Variants in LHFPL3 observed in about 807,000 individuals in gnomAD.
LHFPL3 encodes LHFPL tetraspan subfamily member 3, also known as LHFPL tetraspan subfamily member 3 protein.
LHFPL3 carries 5 observed loss-of-function variants against 19.3 expected under a neutral mutation model. The observed-to-expected ratio is 0.26, with a 90% confidence interval of 0.14 to 0.54. LHFPL3 has a LOEUF of 0.54. Ranked by LOEUF, LHFPL3 falls within the 20% of genes least tolerant of loss-of-function variation. The pLI is 0.94. For missense variants in LHFPL3, 249 were observed against 307.4 expected, an observed-to-expected ratio of 0.81 and a Z score of 1.42; for synonymous variants, 133 against 126.2, an observed-to-expected ratio of 1.05 and a Z score of -0.36.
At chr7:104,631,255 G>A (rs1056531933) in intron 1 of LHFPL3, among the ~76,000 whole-genome samples, 1 of 151,226 alleles carries the variant, frequency 6.6e-6, no homozygotes, top group Non-Finnish European at 1.5e-5. Context: ...GGAATATCTT[G>A]CCCTCTCATT....
chr7:104,351,880 C>T (rs929757664), intron 1 of LHFPL3, among the ~76,000 whole-genome samples: 1 of 152,128 alleles, frequency 6.6e-6, no homozygotes, highest in East Asian at 1.9e-4. Flanking sequence ...CATCGAAGCC[C>T]ATCCCTGTTT....
At chr7:104,866,222 AT>A (rs1299467777) in intron 2 of LHFPL3, among the ~76,000 whole-genome samples, 18 of 152,198 alleles carry the variant, frequency 1.2e-4, no homozygotes, top group Non-Finnish European at 2.6e-4. Flanking sequence ...TTCACACATA[AT>A]AATATTAACC....
chr7:104,690,457 C>T (rs769939592), intron 1 of LHFPL3, among the ~76,000 whole-genome samples: 4 of 152,206 alleles, frequency 2.6e-5, no homozygotes, highest in Non-Finnish European at 5.9e-5. Flanking sequence ...TCACTTTTCC[C>T]TTCCATAAGA....
At chr7:104,588,145 T>C (rs950257176) in intron 1 of LHFPL3, among the ~76,000 whole-genome samples, 6 of 152,168 alleles carry the variant, frequency 3.9e-5, no homozygotes, top group Non-Finnish European at 5.9e-5. Context: ...TCAATTTCGT[T>C]TTTTGTTGCC....
intron 1 of LHFPL3, among the ~76,000 whole-genome samples, chr7:104,735,209 C>A (rs1367626146): frequency 1.3e-5 from 2 of 152,216 alleles, no homozygotes; most frequent in Non-Finnish European, 2.9e-5. Flanking sequence ...AGATCTCAAA[C>A]TCCGTGCTGG....
intron 2 of LHFPL3, among the ~76,000 whole-genome samples, chr7:104,872,754 G>C (rs551115054): frequency 6.6e-6 from 1 of 152,288 alleles, no homozygotes; most frequent in South Asian, 2.1e-4. Flanking sequence ...ACACGGAGCT[G>C]TCATCTTCTA....
intron 2 of LHFPL3, among the ~76,000 whole-genome samples, chr7:104,848,809 G>T (rs944721888): frequency 6.6e-6 from 1 of 152,148 alleles, no homozygotes; most frequent in Non-Finnish European, 1.5e-5. Flanking sequence ...CAGCCTGGAG[G>T]CCTGGTGGCA....
intron 2 of LHFPL3, among the ~76,000 whole-genome samples, chr7:104,740,645 A>G (rs1459739887): frequency 6.6e-6 from 1 of 152,232 alleles, no homozygotes; most frequent in Non-Finnish European, 1.5e-5. Flanking sequence ...GCAGCAGGCA[A>G]GAGCTTATGC....
chr7:104,404,229 A>G (rs564992019), intron 1 of LHFPL3, among the ~76,000 whole-genome samples: 1 of 152,310 alleles, frequency 6.6e-6, no homozygotes, highest in South Asian at 2.1e-4. Context: ...TTTTAATGAG[A>G]CCACTTAGTT....
At chr7:104,397,670 C>T (rs1791218741) in intron 1 of LHFPL3, among the ~76,000 whole-genome samples, 1 of 152,278 alleles carries the variant, frequency 6.6e-6, no homozygotes, top group South Asian at 2.1e-4. Flanking sequence ...TCTCCAGCAG[C>T]CCGCTTCTTC....
intron 2 of LHFPL3, among the ~76,000 whole-genome samples, chr7:104,743,123 A>AAAAC (rs145980832): frequency 1.4e-4 from 22 of 152,024 alleles, no homozygotes; most frequent in Non-Finnish European, 2.2e-4. Context: ...TCCATCTCAA[A>AAAAC]AAACAAACAA....
At chr7:104,843,358 G>C (rs141930151) in intron 2 of LHFPL3, among the ~76,000 whole-genome samples, 2 of 152,228 alleles carry the variant, frequency 1.3e-5, no homozygotes, top group Non-Finnish European at 2.9e-5. Context: ...AATGCACCTC[G>C]ATGGAAGCTG....
chr7:104,430,039 G>C (rs564046303), intron 1 of LHFPL3, among the ~76,000 whole-genome samples: 3 of 152,014 alleles, frequency 2.0e-5, no homozygotes, highest in Non-Finnish European at 2.9e-5. Flanking sequence ...GCTCAACATC[G>C]TCTGAGTGTA....
At chr7:104,548,057 A>T (rs1435706486) in intron 1 of LHFPL3, among the ~76,000 whole-genome samples, 3 of 152,212 alleles carry the variant, frequency 2.0e-5, no homozygotes, top group Non-Finnish European at 2.9e-5. Flanking sequence ...ATTAATTAAT[A>T]CTTAAAGATT....
At chr7:104,717,127 T>C (rs1209533712) in intron 1 of LHFPL3, among the ~76,000 whole-genome samples, 1 of 152,084 alleles carries the variant, frequency 6.6e-6, no homozygotes, top group South Asian at 2.1e-4. Context: ...AATTGGAATC[T>C]TATCTTACAC....
chr7:104,382,317 G>A (rs529874609), intron 1 of LHFPL3, among the ~76,000 whole-genome samples: 16 of 152,208 alleles, frequency 1.1e-4, no homozygotes, highest in Admixed American at 2.6e-4. Flanking sequence ...GAGAAACCCC[G>A]TCTCTATTAA....
At chr7:104,641,991 A>T (rs1791844677) in intron 1 of LHFPL3, among the ~76,000 whole-genome samples, 1 of 151,888 alleles carries the variant, frequency 6.6e-6, no homozygotes, top group African/African-American at 2.4e-5. Flanking sequence ...ATGCCCAGAC[A>T]TAACAAAATG....
intron 1 of LHFPL3, among the ~76,000 whole-genome samples, chr7:104,508,548 A>G (rs1405008075): frequency 6.6e-6 from 1 of 151,622 alleles, no homozygotes; most frequent in Admixed American, 6.6e-5. Flanking sequence ...AGCACGGCAC[A>G]TGTATACATA....
intron 1 of LHFPL3, among the ~76,000 whole-genome samples, chr7:104,508,609 TAAA>T (rs66573135): frequency 1.8e-3 from 217 of 117,620 alleles, no homozygotes; most frequent in Non-Finnish European, 3.4e-3. Context: ...TAAAGTATAA[TAAA>T]AAAAAATATA....
Sources: gnomAD v4.1 joint callset for allele counts (sites outside exome capture counted in the v4.1 genomes callset) on GRCh38, gnomAD v4.1.1 for gene constraint, MANE v1.5 for transcripts, NCBI Gene and HGNC (gene_info 2026-07-23, HGNC 2026-07-21) for gene names.